Variants in VNN1 observed in about 807,000 individuals in gnomAD.
VNN1 encodes vanin 1.
In VNN1, 29 loss-of-function variants were observed where a neutral mutation model predicts 41.9. The ratio of observed to expected loss-of-function variants is 0.69; its 90% CI spans 0.52 to 0.94. The LOEUF is 0.94. Among genes scored for constraint, VNN1 ranks in the 40% least tolerant of loss-of-function variants. The pLI is 0.00. For missense variants in VNN1, 637 were observed against 621.1 expected (o/e 1.03, Z -0.27); for synonymous variants, 233 against 224.4 (o/e 1.04, Z -0.34).
intron 2 of VNN1, among the ~76,000 whole-genome samples, chr6:132,701,851 G>A (rs536188194): frequency 6.6e-6 from 1 of 152,328 alleles, no homozygotes; most frequent in East Asian, 1.9e-4. Context: ...TTGGGGGAAG[G>A]AAAGTACAGT....
intron 6 of VNN1, among the ~76,000 whole-genome samples, chr6:132,683,777 C>G (rs552778599): frequency 6.6e-6 from 1 of 152,264 alleles, no homozygotes; most frequent in South Asian, 2.1e-4. Context: ...CTACCAGGAA[C>G]GGGGAGTGGG....
chr6:132,708,174 T>A (rs1015592356), intron 2 of VNN1, among the ~76,000 whole-genome samples: 1 of 152,216 alleles, frequency 6.6e-6, no homozygotes, highest in Non-Finnish European at 1.5e-5. Flanking sequence ...TGAAGAAATA[T>A]GCAAGCTTTC....
intron 2 of VNN1, among the ~76,000 whole-genome samples, chr6:132,709,983 A>T (rs1778575996): frequency 1.3e-5 from 2 of 152,118 alleles, no homozygotes; most frequent in Admixed American, 1.3e-4. Flanking sequence ...GATAAATAAC[A>T]CTGGAATTTA....
intron 2 of VNN1, among the ~76,000 whole-genome samples, chr6:132,696,038 A>G (rs1778366619): frequency 6.6e-6 from 1 of 152,242 alleles, no homozygotes; most frequent in Non-Finnish European, 1.5e-5. Flanking sequence ...TGACAGACCT[A>G]CTAAACACAG....
At chr6:132,710,869 A>G (rs1778589781) in intron 2 of VNN1, among the ~76,000 whole-genome samples, 1 of 152,184 alleles carries the variant, frequency 6.6e-6, no homozygotes, top group African/African-American at 2.4e-5. Context: ...ATGATTTATG[A>G]TCCTTTGGTA....
chr6:132,707,714 A>G (rs780262928), intron 2 of VNN1, among the ~76,000 whole-genome samples: 3 of 152,220 alleles, frequency 2.0e-5, no homozygotes, highest in Non-Finnish European at 4.4e-5. Context: ...CTGAAAATCA[A>G]AACAATTGAA....
chr6:132,707,588 T>C (rs1263815762), intron 2 of VNN1, among the ~76,000 whole-genome samples: 1 of 152,220 alleles, frequency 6.6e-6, no homozygotes, highest in Non-Finnish European at 1.5e-5. Flanking sequence ...ACAAAAAGAA[T>C]GAGATCCAGT....
chr6:132,703,816 C>T (rs374630341), intron 2 of VNN1, among the ~76,000 whole-genome samples: 2 of 151,906 alleles, frequency 1.3e-5, no homozygotes, highest in Non-Finnish European at 2.9e-5. Flanking sequence ...GTACAAGAAA[C>T]ACACTTCACT....
chr6:132,705,708 T>C (rs1250890551), intron 2 of VNN1, among the ~76,000 whole-genome samples: 1 of 152,064 alleles, frequency 6.6e-6, no homozygotes, highest in Non-Finnish European at 1.5e-5. Flanking sequence ...TGCATCCAAA[T>C]TGGAAAGGAG....
Position 132,683,329 on chromosome 6 carries a change from A to G in VNN1, c.1360-7T>C, listed in dbSNP as rs1230334860. The G allele has an allele frequency of 1.2e-6, 2 of 1,607,864 alleles. No individual in the cohort carries two copies. Among genetic ancestry groups the G allele is most frequent in the Non-Finnish European group, 1.7e-6 (2 of 1,178,394 alleles). On this transcript the variant is annotated splice_region_variant and splice_polypyrimidine_tract_variant and intron_variant, in intron 6 of 6. Coordinates refer to ENST00000367928, the MANE Select transcript of VNN1 (RefSeq NM_004666.3). ...AGCGTCCGTCAGTTGACACCTGATT[A>G]AAACAAAAAAGTAGGCAAAGGCTAC... is the stretch of plus-strand genomic sequence containing the variant.
At chr6:132,704,955 C>T (rs1400912162) in intron 2 of VNN1, among the ~76,000 whole-genome samples, 1 of 151,906 alleles carries the variant, frequency 6.6e-6, no homozygotes, top group Non-Finnish European at 1.5e-5. Flanking sequence ...TTCCTAGACA[C>T]ATACAGCCTA....
At position 132,683,322 on chromosome 6, in the gene VNN1, C is replaced by A. The variant is rs754476421; in HGVS notation, c.1360G>T (p.Val454Leu). 3.7e-6 allele frequency: 6 copies of A among 1,609,842 alleles called. No individual in the cohort carries two copies. The highest frequency in any genetic ancestry group is 1.1e-5 in the South Asian group (1 of 89,924). The part of the protein sequence containing the change: ...ENQLAPGEFQ[V>L]STDGRLFSLK... Reference sequence around the variant, plus strand: ...CTAAACAAGCGTCCGTCAGTTGACACCTGATTAAAACAAAAAAGTAGGCAA... The same window carrying A: ...CTAAACAAGCGTCCGTCAGTTGACAACTGATTAAAACAAAAAAGTAGGCAA... Residue 454 changes from valine (V) to leucine (L), a missense_variant and splice_region_variant, in exon 7 of 7, where the codon GTG (valine) becomes TTG (leucine). Coordinates refer to ENST00000367928, the MANE Select transcript of VNN1 (RefSeq NM_004666.3).
chr6:132,696,352 C>T (rs755732324), intron 2 of VNN1, among the ~76,000 whole-genome samples: 8 of 152,126 alleles, frequency 5.3e-5, no homozygotes, highest in Non-Finnish European at 1.0e-4. Flanking sequence ...GAGTGTCCAA[C>T]ACATGCACTG....
chr6:132,692,141 ATCAT>A (rs1778295860), intron 5 of VNN1, 78 bp downstream of exon 5: 6 of 1,401,332 alleles, frequency 4.3e-6, no homozygotes, highest in Non-Finnish European at 5.6e-6. Flanking sequence ...ATACTAAAAA[ATCAT>A]TCATTATTTA....
chr6:132,690,090 G>A (rs73559748), intron 5 of VNN1, among the ~76,000 whole-genome samples: 4,235 of 152,240 alleles, frequency 0.028, 192 homozygotes, highest in African/African-American at 0.097. Context: ...AACAAACACA[G>A]TCTTGGTCCA....
At position 132,713,747 on chromosome 6, in the gene VNN1, C is replaced by A. The variant is rs561700536; in HGVS notation, c.210+79G>T. ...TATATCATCTAAAAGTGTAACTGAC[C>A]CTGACAGTGGCCCTGTCTCCTAGGA... On this transcript the variant is annotated intron_variant, in intron 1 of 6. Transcript: ENST00000367928. 33 of 1,473,248 alleles carry A rather than the reference C, an allele frequency of 2.2e-5. No individual in the cohort carries two copies. In the African/African-American group the frequency reaches 4.5e-4, roughly 20 times the overall value. 91.3% of individuals were successfully genotyped at this position (1,473,248 alleles called of 1,614,324 possible).
chr6:132,691,532 A>G (rs182904526), intron 5 of VNN1, among the ~76,000 whole-genome samples: 82 of 152,312 alleles, frequency 5.4e-4, no homozygotes, highest in Non-Finnish European at 9.6e-4. Context: ...ATTTGTGAAC[A>G]TATAAGGAAA....
In VNN1 at chr6:132,684,365, A is replaced by C; in HGVS notation, c.1329T>G (p.Ser443Arg). ...ATTCTCCAGGTGCAAGCTGATTTTC[A>C]CTCAGCAACACCTCAGGAAAGACAT... is the stretch of plus-strand genomic sequence containing the variant. ...TQYVFPEVLLSENQLAPGEFQ... is the reference protein window; with the variant it reads ...TQYVFPEVLLRENQLAPGEFQ... The change falls in exon 6 of 7, where the codon AGT becomes AGG. Residue 443 changes from serine (S) to arginine (R), a missense_variant. Transcript: ENST00000367928. The C allele has an allele frequency of 6.8e-6, 11 of 1,612,692 alleles. No individual in the cohort carries two copies. The highest frequency in any genetic ancestry group is 9.3e-6 in the Non-Finnish European group (11 of 1,179,284).
At chr6:132,691,224 C>A (rs1778279651) in intron 5 of VNN1, among the ~76,000 whole-genome samples, 1 of 151,794 alleles carries the variant, frequency 6.6e-6, no homozygotes, top group African/African-American at 2.4e-5. Flanking sequence ...GAATTTTAAG[C>A]CAGACAGTAT....
Sources: gnomAD v4.1 joint callset for allele counts (sites outside exome capture counted in the v4.1 genomes callset) on GRCh38, gnomAD v4.1.1 for gene constraint, MANE v1.5 for transcripts, NCBI Gene and HGNC (gene_info 2026-07-23, HGNC 2026-07-21) for gene names.